Variants in UBE3D observed in about 807,000 individuals in gnomAD.
UBE3D encodes the protein E3 ubiquitin-protein ligase E3D.
Under a neutral mutation model 49.6 loss-of-function variants are expected in UBE3D, and 48 were observed. The ratio of observed to expected loss-of-function variants is 0.97; its 90% CI spans 0.77 to 1.23. The LOEUF (loss-of-function observed/expected upper bound fraction) is 1.23. UBE3D is among the 50% of genes most tolerant of loss of function. UBE3D has a pLI of 0.00. For missense variants in UBE3D, 452 were observed against 468.4 expected (o/e 0.96, Z 0.32); for synonymous variants, 189 against 174.2 (o/e 1.08, Z -0.67).
intron 8 of UBE3D, among the ~76,000 whole-genome samples, chr6:82,976,808 A>C (rs966233147): frequency 2.0e-5 from 3 of 152,128 alleles, no homozygotes; most frequent in Non-Finnish European, 2.9e-5. Flanking sequence ...CACTAGTACT[A>C]CTGAGGTTAC....
intron 8 of UBE3D, among the ~76,000 whole-genome samples, chr6:83,006,160 G>A (rs891108697): frequency 4.6e-5 from 7 of 152,156 alleles, no homozygotes. Flanking sequence ...GGGAGGCAGA[G>A]GTTGCAGTGA....
At chr6:83,034,401 A>G (rs1456579508) in intron 5 of UBE3D, among the ~76,000 whole-genome samples, 1 of 152,050 alleles carries the variant, frequency 6.6e-6, no homozygotes, top group Non-Finnish European at 1.5e-5. Context: ...AACTGCTTCA[A>G]TCACCTTTTA....
At chr6:82,917,437 C>T (rs1364401958) in intron 9 of UBE3D, among the ~76,000 whole-genome samples, 2 of 152,048 alleles carry the variant, frequency 1.3e-5, no homozygotes, top group Admixed American at 1.3e-4. Context: ...CCTTAAGATG[C>T]CCAGTAATTG....
intron 8 of UBE3D, among the ~76,000 whole-genome samples, chr6:82,962,475 T>C (rs1421035406): frequency 6.6e-6 from 1 of 152,080 alleles, no homozygotes. Flanking sequence ...TATCAAACTA[T>C]CAAAATTTAT....
At chr6:82,948,886 C>A (rs957528049) in intron 9 of UBE3D, among the ~76,000 whole-genome samples, 1 of 151,866 alleles carries the variant, frequency 6.6e-6, no homozygotes, top group Admixed American at 6.6e-5. Context: ...CAAAAAAAAG[C>A]CATATATGAT....
intron 9 of UBE3D, among the ~76,000 whole-genome samples, chr6:82,895,164 A>G (rs1469134241): frequency 6.6e-6 from 1 of 152,086 alleles, no homozygotes; most frequent in African/African-American, 2.4e-5. Context: ...TACAAAAATT[A>G]GCCAGGCATG....
intron 9 of UBE3D, among the ~76,000 whole-genome samples, chr6:82,897,100 A>T (rs1368596758): frequency 6.6e-6 from 1 of 152,082 alleles, no homozygotes; most frequent in African/African-American, 2.4e-5. Context: ...AGGCTTTAGA[A>T]AGGACTCTTT....
intron 8 of UBE3D, among the ~76,000 whole-genome samples, chr6:82,963,900 C>T (rs971623461): frequency 3.9e-5 from 6 of 152,150 alleles, no homozygotes; most frequent in Non-Finnish European, 8.8e-5. Context: ...CTGGTATTTC[C>T]TATAAAGACA....
intron 8 of UBE3D, among the ~76,000 whole-genome samples, chr6:83,011,527 G>A (rs945111285): frequency 6.6e-6 from 1 of 152,154 alleles, no homozygotes; most frequent in Admixed American, 6.5e-5. Flanking sequence ...ACTAAGAGAT[G>A]CCCTAATGGA....
In UBE3D at chr6:83,051,200, G is replaced by C. The variant is rs528549208; in HGVS notation, c.365+2948C>G. Among the ~76,000 whole-genome samples, 17 of 152,270 alleles carry C rather than the reference G, an allele frequency of 1.1e-4. No individual in the cohort carries two copies. The South Asian group carries it at 3.5e-3, about 32-fold the overall frequency. On this transcript the variant is annotated intron_variant, in intron 3 of 9. Coordinates refer to ENST00000369747, the MANE Select transcript of UBE3D (RefSeq NM_198920.3). ...TAGGCCTTATTAGAAGGCTGTATTA[G>C]AAGAACCTGAGGTAGTACAAACACA...
At chr6:82,932,318 C>A (rs1262614535) in intron 9 of UBE3D, among the ~76,000 whole-genome samples, 4 of 152,096 alleles carry the variant, frequency 2.6e-5, no homozygotes, top group African/African-American at 9.7e-5. Flanking sequence ...TTAAATGATA[C>A]CTATCCTTTT....
intron 8 of UBE3D, among the ~76,000 whole-genome samples, chr6:83,011,701 A>G (rs992888060): frequency 3.9e-5 from 6 of 152,178 alleles, no homozygotes. Context: ...GGCAATCTTA[A>G]CTTCCAGTTT....
chr6:82,908,041 G>C (rs1399628155), intron 9 of UBE3D, among the ~76,000 whole-genome samples: 1 of 151,908 alleles, frequency 6.6e-6, no homozygotes, highest in Non-Finnish European at 1.5e-5. Context: ...GCAATAATAG[G>C]GATAAATTGC....
chr6:83,001,618 G>A lies in UBE3D; in HGVS notation c.1010+17355C>T, dbSNP rs57190150. 5.6e-3 allele frequency among the ~76,000 whole-genome samples: 847 copies of A among 152,302 alleles called. 11 individuals are homozygous for A. The highest frequency in any genetic ancestry group is 0.019 in the African/African-American group (784 of 41,558). On this transcript the variant is annotated intron_variant, in intron 8 of 9. Transcript: ENST00000369747. ...ATATCTTCTTACAGGCAATCAAGATGGTAACAGGAAAGCGGAAGGACTACA... is the reference window on the plus strand; with the variant it reads ...ATATCTTCTTACAGGCAATCAAGATAGTAACAGGAAAGCGGAAGGACTACA...
At chr6:83,004,855 T>C (rs1044946962) in intron 8 of UBE3D, among the ~76,000 whole-genome samples, 1 of 152,176 alleles carries the variant, frequency 6.6e-6, no homozygotes, top group African/African-American at 2.4e-5. Context: ...CTAATTTAAT[T>C]TCCAAATTTA....
chr6:83,056,852 G>A (rs756423709), intron 2 of UBE3D, among the ~76,000 whole-genome samples: 4 of 152,180 alleles, frequency 2.6e-5, no homozygotes, highest in Non-Finnish European at 5.9e-5. Context: ...GTGTGCAGCT[G>A]AAAGAATTAC....
intron 1 of UBE3D, among the ~76,000 whole-genome samples, chr6:83,059,705 A>T (rs1243912465): frequency 1.3e-5 from 2 of 152,168 alleles, no homozygotes; most frequent in Non-Finnish European, 2.9e-5. Context: ...GTGGTGACAC[A>T]GTGGCCCAGC....
chr6:82,975,462 T>C (rs900785435), intron 8 of UBE3D, among the ~76,000 whole-genome samples: 1 of 152,176 alleles, frequency 6.6e-6, no homozygotes, highest in African/African-American at 2.4e-5. Context: ...CTAGCAGTAG[T>C]TGTCAGTGTA....
At chr6:83,039,390 A>G (rs1193231341) in intron 4 of UBE3D, among the ~76,000 whole-genome samples, 1 of 152,244 alleles carries the variant, frequency 6.6e-6, no homozygotes, top group Non-Finnish European at 1.5e-5. Context: ...ACTGATTAAT[A>G]TACATTTAAG....
Sources: gnomAD v4.1 joint callset for allele counts (sites outside exome capture counted in the v4.1 genomes callset) on GRCh38, gnomAD v4.1.1 for gene constraint, MANE v1.5 for transcripts, NCBI Gene and HGNC (gene_info 2026-07-23, HGNC 2026-07-21) for gene names.